The following FHIT variants were observed in gnomAD, a reference collection of about 807,000 sequenced individuals.
FHIT encodes fragile histidine triad diadenosine triphosphatase.
FHIT carries 19 observed loss-of-function variants against 17.9 expected under a neutral mutation model. The observed-to-expected ratio is 1.06, with a 90% CI of 0.74 to 1.56. FHIT has a LOEUF of 1.56. Among genes scored for constraint, FHIT ranks in the 40% most tolerant of loss-of-function variants. The probability of loss-of-function intolerance (pLI) is 0.00; values close to 1 mark genes in which losing one functional copy is unlikely to be tolerated. For synonymous variants in FHIT, 81 were observed against 69.7 expected, an observed-to-expected ratio of 1.16 and a Z score of -0.81; for missense variants, 248 against 189.2, an observed-to-expected ratio of 1.31 and a Z score of -1.82.
intron 7 of FHIT, among the ~76,000 whole-genome samples, chr3:59,999,210 G>A (rs1241078468): frequency 6.6e-6 from 1 of 152,056 alleles, no homozygotes; most frequent in Non-Finnish European, 1.5e-5. Flanking sequence ...TTTAAAAAAG[G>A]GCAAGAAATG....
At chr3:59,907,356 C>A (rs1176998344) in intron 8 of FHIT, among the ~76,000 whole-genome samples, 1 of 152,218 alleles carries the variant, frequency 6.6e-6, no homozygotes, top group Non-Finnish European at 1.5e-5. Context: ...TCCTGACCAT[C>A]TCTTGGCTAA....
intron 2 of FHIT, among the ~76,000 whole-genome samples, chr3:61,083,530 C>T (rs1241166725): frequency 6.6e-6 from 1 of 152,188 alleles, no homozygotes; most frequent in Non-Finnish European, 1.5e-5. Context: ...GAGGAGCTTG[C>T]AGTGAGCCGA....
intron 5 of FHIT, among the ~76,000 whole-genome samples, chr3:60,251,851 GCAGT>G (rs1483992108): frequency 3.9e-5 from 6 of 152,198 alleles, no homozygotes; most frequent in Admixed American, 3.3e-4. Context: ...GACAAACACA[GCAGT>G]CAGACAGATG....
intron 4 of FHIT, among the ~76,000 whole-genome samples, chr3:60,594,483 G>A (rs944428863): frequency 5.3e-5 from 8 of 152,148 alleles, no homozygotes; most frequent in African/African-American, 1.9e-4. Flanking sequence ...GTTGCCCCCT[G>A]CATCCAACAC....
At chr3:60,156,946 A>G (rs887930555) in intron 5 of FHIT, among the ~76,000 whole-genome samples, 1 of 152,030 alleles carries the variant, frequency 6.6e-6, no homozygotes, top group African/African-American at 2.4e-5. Flanking sequence ...TATATATTAA[A>G]TATATATAAA....
intron 7 of FHIT, among the ~76,000 whole-genome samples, chr3:59,939,994 T>C (rs1190762494): frequency 6.6e-6 from 1 of 152,184 alleles, no homozygotes; most frequent in Non-Finnish European, 1.5e-5. Context: ...GTCCTTAACC[T>C]TAGGTCACGG....
At chr3:60,788,116 A>G (rs1329060909) in intron 4 of FHIT, among the ~76,000 whole-genome samples, 10 of 152,228 alleles carry the variant, frequency 6.6e-5, no homozygotes, top group African/African-American at 2.4e-4. Context: ...AAAAGTTTAC[A>G]TATTAATCAA....
At chr3:60,256,695 G>A (rs768003325) in intron 5 of FHIT, among the ~76,000 whole-genome samples, 13 of 152,112 alleles carry the variant, frequency 8.5e-5, no homozygotes, top group Non-Finnish European at 1.6e-4. Context: ...CCTTGGTTTA[G>A]TACCTTGCAT....
At chr3:60,375,510 G>A (rs1336564109) in intron 5 of FHIT, among the ~76,000 whole-genome samples, 2 of 152,094 alleles carry the variant, frequency 1.3e-5, no homozygotes, top group Admixed American at 6.6e-5. Flanking sequence ...AAGAGGCAGA[G>A]GTTGCAGTGA....
chr3:60,616,237 T>C (rs72889615), intron 4 of FHIT, among the ~76,000 whole-genome samples: 2,039 of 152,308 alleles, frequency 0.013, 57 homozygotes, highest in African/African-American at 0.047. Context: ...TCACCCCAGA[T>C]GTTTTCTTGT....
In FHIT at chr3:60,325,614, C is replaced by G. The variant is rs189896590; in HGVS notation, c.103+211246G>C. ...TACATTCATTACATTTTTAATCTAACAGGTTTTAGTGAATAAAACAATGAT... is the reference window on the plus strand; with the variant it reads ...TACATTCATTACATTTTTAATCTAAGAGGTTTTAGTGAATAAAACAATGAT... On this transcript the variant is annotated intron_variant, in intron 5 of 9. Coordinates refer to ENST00000492590, the MANE Select transcript of FHIT (RefSeq NM_002012.4). 4.6e-5 allele frequency among the ~76,000 whole-genome samples: 7 copies of G among 152,284 alleles called. No homozygotes were observed. The East Asian group carries it at 1.3e-3, about 29-fold the overall frequency.
chr3:60,370,057 A>G (rs1402254402), intron 5 of FHIT, among the ~76,000 whole-genome samples: 10 of 152,222 alleles, frequency 6.6e-5, no homozygotes, highest in Admixed American at 6.5e-4. Context: ...GGAGTACATG[A>G]TTCGCTGCCT....
At chr3:60,001,395 G>C (rs1259534746) in intron 7 of FHIT, among the ~76,000 whole-genome samples, 7 of 152,114 alleles carry the variant, frequency 4.6e-5, no homozygotes, top group Admixed American at 6.6e-5. Context: ...ATTCTTCTTA[G>C]GTTCTCAGAG....
At chr3:60,962,351 A>C (rs1709497955) in intron 3 of FHIT, among the ~76,000 whole-genome samples, 1 of 152,194 alleles carries the variant, frequency 6.6e-6, no homozygotes, top group South Asian at 2.1e-4. Context: ...GGGGATTTCT[A>C]AATGTACAGT....
At chr3:60,036,981 A>C (rs76580920) in intron 5 of FHIT, among the ~76,000 whole-genome samples, 153 of 152,348 alleles carry the variant, frequency 1.0e-3, no homozygotes, top group Non-Finnish European at 1.6e-3. Flanking sequence ...CTCTAGTGAA[A>C]GGAGATTGAC....
At chr3:60,174,619 T>G (rs1701583165) in intron 5 of FHIT, among the ~76,000 whole-genome samples, 1 of 151,938 alleles carries the variant, frequency 6.6e-6, no homozygotes, top group South Asian at 2.1e-4. Context: ...ATTATAAATC[T>G]ATTTGCTTTC....
At chr3:60,370,590 C>T (rs952279196) in intron 5 of FHIT, among the ~76,000 whole-genome samples, 5 of 152,196 alleles carry the variant, frequency 3.3e-5, no homozygotes, top group African/African-American at 7.2e-5. Context: ...TCTGGCTGCA[C>T]TATGTACCTA....
At chr3:60,368,970 C>G (rs966145109) in intron 5 of FHIT, among the ~76,000 whole-genome samples, 7 of 149,774 alleles carry the variant, frequency 4.7e-5, no homozygotes, top group African/African-American at 7.5e-5. Flanking sequence ...TGGCACTTTT[C>G]TTTTCTCTTT....
At chr3:60,819,271 G>A (rs1553738595) in intron 4 of FHIT, among the ~76,000 whole-genome samples, 2 of 152,084 alleles carry the variant, frequency 1.3e-5, no homozygotes, top group African/African-American at 4.8e-5. Context: ...CAGGCTCAGG[G>A]CTTCCTTGAT....
Sources: gnomAD v4.1 joint callset for allele counts (sites outside exome capture counted in the v4.1 genomes callset) on GRCh38, gnomAD v4.1.1 for gene constraint, MANE v1.5 for transcripts, NCBI Gene and HGNC (gene_info 2026-07-23, HGNC 2026-07-21) for gene names.